GALNT14: variants seen among roughly 807,000 people sequenced by gnomAD.
GALNT14 encodes the protein UDP-GalNAc:polypeptide N-acetylgalactosaminyltransferase 14.
Under a neutral mutation model 77.5 loss-of-function variants are expected in GALNT14, and 60 were observed. The ratio of observed to expected loss-of-function variants is 0.77; its 90% CI spans 0.63 to 0.96. GALNT14 has a LOEUF of 0.96. Among genes scored for constraint, GALNT14 ranks in the 40% least tolerant of loss-of-function variants. GALNT14 has a pLI of 0.00. For missense variants in GALNT14, 710 were observed against 731.0 expected, an observed-to-expected ratio of 0.97 and a Z score of 0.33; for synonymous variants, 280 against 281.7, an observed-to-expected ratio of 0.99 and a Z score of 0.06.
At chr2:30,982,384 G>A (rs528456621) in intron 2 of GALNT14, among the ~76,000 whole-genome samples, 3 of 152,264 alleles carry the variant, frequency 2.0e-5, no homozygotes, top group East Asian at 1.9e-4. Flanking sequence ...AGCAGCTCTC[G>A]TCATAAAAGC....
chr2:31,126,338 G>A (rs1442399630), intron 1 of GALNT14, among the ~76,000 whole-genome samples: 1 of 152,166 alleles, frequency 6.6e-6, no homozygotes, highest in Non-Finnish European at 1.5e-5. Flanking sequence ...GAAGCTTGGG[G>A]TGAGCATATG....
intron 3 of GALNT14, among the ~76,000 whole-genome samples, chr2:30,964,009 G>A (rs1667848342): frequency 6.6e-6 from 1 of 152,222 alleles, no homozygotes; most frequent in African/African-American, 2.4e-5. Flanking sequence ...CTGAAAAAAT[G>A]CAGCAAGTAC....
the GALNT14 span, among the ~76,000 whole-genome samples, chr2:30,895,773 C>G: frequency 1.3e-5 from 2 of 152,152 alleles, no homozygotes; most frequent in African/African-American, 4.8e-5. Flanking sequence ...ATCCTCCCTC[C>G]CACCTTCTCT....
chr2:31,024,389 C>G (rs1424626801), intron 1 of GALNT14, among the ~76,000 whole-genome samples: 1 of 152,112 alleles, frequency 6.6e-6, no homozygotes, highest in Non-Finnish European at 1.5e-5. Context: ...AAAGGCCCCA[C>G]CAAGGCCCCA....
chr2:31,041,296 A>G (rs975193897), intron 1 of GALNT14, among the ~76,000 whole-genome samples: 2 of 152,266 alleles, frequency 1.3e-5, no homozygotes, highest in Non-Finnish European at 2.9e-5. Flanking sequence ...GAAAAGAGAT[A>G]TGTGTTATAA....
At chr2:31,038,084 A>ATTTTTTTTTTTTTTTTTT (rs1196402402) in intron 1 of GALNT14, among the ~76,000 whole-genome samples, 1 of 52,650 alleles carries the variant, frequency 1.9e-5, no homozygotes, top group Non-Finnish European at 3.2e-5. Context: ...ATATATATAT[A>ATTTTTTTTTTTTTTTTTT]TTTTTTTTTT....
In GALNT14 at chr2:30,956,063, G is replaced by T. The variant is rs1014658670; in HGVS notation, c.467-86C>A. The T allele has an allele frequency of 2.2e-6, 3 of 1,345,356 alleles. No individual in the cohort carries two copies. In the South Asian group the frequency reaches 3.6e-5, roughly 16 times the overall value. 83.3% of individuals were successfully genotyped at this position (1,345,356 alleles called of 1,614,324 possible). A position where few individuals can be genotyped will look rare whatever the true frequency, so the allele number is the denominator to read the frequency against. On this transcript the variant is annotated intron_variant, in intron 4 of 14. Coordinates refer to ENST00000349752, the MANE Select transcript of GALNT14 (RefSeq NM_024572.4). ...GTGTGCACTGCAGGTGAACCTGAAGGGTAGGTGAGGCAGCCCTGTCCACTG... is the reference window on the plus strand; with the variant it reads ...GTGTGCACTGCAGGTGAACCTGAAGTGTAGGTGAGGCAGCCCTGTCCACTG...
At chr2:30,941,913 T>C (rs915291375) in intron 9 of GALNT14, among the ~76,000 whole-genome samples, 2 of 152,220 alleles carry the variant, frequency 1.3e-5, no homozygotes, top group East Asian at 3.8e-4. Context: ...GGCTGTTGCA[T>C]CTCAGCTTTC....
the GALNT14 span, among the ~76,000 whole-genome samples, chr2:30,889,173 C>A: frequency 6.6e-6 from 1 of 152,112 alleles, no homozygotes; most frequent in Admixed American, 6.5e-5. Flanking sequence ...GACTGTGCAG[C>A]ACGACCAAAA....
chr2:30,955,003 G>T (rs1667268326), intron 6 of GALNT14, among the ~76,000 whole-genome samples: 1 of 152,164 alleles, frequency 6.6e-6, no homozygotes, highest in African/African-American at 2.4e-5. Context: ...GTAGGGAAGT[G>T]GATAGACTTC....
rs541540292 is a variant in GALNT14, at chr2:30,922,518, A to G, written c.1380+1601T>C. ...CAACCCTACTCTCCCACTGTCCTGC[A>G]AAGGCAGCATCCTCACTAGCACCCT... is the stretch of plus-strand genomic sequence containing the variant. On this transcript the variant is annotated intron_variant, in intron 13 of 14. Coordinates refer to ENST00000349752, the MANE Select transcript of GALNT14 (RefSeq NM_024572.4). Among the ~76,000 whole-genome samples the G allele has an allele frequency of 7.9e-5, 12 of 152,338 alleles. 1 individual carries two copies. In the South Asian group the frequency reaches 2.5e-3, roughly 32 times the overall value.
At chr2:30,929,900 C>T (rs1665623593) in intron 10 of GALNT14, among the ~76,000 whole-genome samples, 1 of 152,160 alleles carries the variant, frequency 6.6e-6, no homozygotes, top group South Asian at 2.1e-4. Context: ...TGATATTTTT[C>T]CCTTGGGGAT....
the GALNT14 span, among the ~76,000 whole-genome samples, chr2:30,898,249 C>T: frequency 2.6e-5 from 4 of 152,020 alleles, no homozygotes; most frequent in African/African-American, 9.7e-5. Context: ...TCCCAGCCTC[C>T]ACAACTATGA....
chr2:31,056,424 G>A (rs1256487362), intron 1 of GALNT14, among the ~76,000 whole-genome samples: 4 of 152,134 alleles, frequency 2.6e-5, no homozygotes, highest in East Asian at 1.9e-4. Flanking sequence ...CATCTCAGGC[G>A]TACTCCTGGA....
At chr2:30,900,833 G>C in the GALNT14 span, among the ~76,000 whole-genome samples, 1 of 152,228 alleles carries the variant, frequency 6.6e-6, no homozygotes. Context: ...ACCCAGTCAG[G>C]GGCAGATGTG....
At chr2:31,060,185 C>T (rs902283035) in intron 1 of GALNT14, among the ~76,000 whole-genome samples, 8 of 152,098 alleles carry the variant, frequency 5.3e-5, no homozygotes, top group Non-Finnish European at 1.0e-4. Flanking sequence ...CAGCCAGGAC[C>T]GGAACCAAGG....
intron 1 of GALNT14, among the ~76,000 whole-genome samples, chr2:31,037,268 C>T (rs147725117): frequency 6.6e-6 from 1 of 152,074 alleles, no homozygotes; most frequent in East Asian, 1.9e-4. Context: ...CTGTTGAGTC[C>T]CTCTAGTGAA....
chr2:31,050,017 G>A (rs949993396), intron 1 of GALNT14, among the ~76,000 whole-genome samples: 1 of 152,146 alleles, frequency 6.6e-6, no homozygotes, highest in Non-Finnish European at 1.5e-5. Flanking sequence ...CGATGGGGAC[G>A]TGTGGGTTCC....
intron 13 of GALNT14, among the ~76,000 whole-genome samples, chr2:30,916,622 T>C (rs1448192699): frequency 6.7e-6 from 1 of 150,240 alleles, no homozygotes; most frequent in African/African-American, 2.5e-5. Flanking sequence ...CCACTGCTGG[T>C]GGGAGCAGGG....
Sources: gnomAD v4.1 joint callset for allele counts (sites outside exome capture counted in the v4.1 genomes callset) on GRCh38, gnomAD v4.1.1 for gene constraint, MANE v1.5 for transcripts, NCBI Gene and HGNC (gene_info 2026-07-23, HGNC 2026-07-21) for gene names.